Variants in BBS9 observed in about 807,000 individuals in gnomAD.
BBS9 encodes Bardet-Biedl syndrome 9.
In BBS9, 89 loss-of-function variants were observed where a neutral mutation model predicts 117.7. The observed-to-expected ratio is 0.76, with a 90% CI of 0.64 to 0.90. The LOEUF is 0.90. Ranked by LOEUF, BBS9 falls within the 40% of genes least tolerant of loss-of-function variation. The pLI is 0.00. For missense variants in BBS9, 982 were observed against 1,042.2 expected (o/e 0.94, Z 0.80); for synonymous variants, 379 against 370.9 (o/e 1.02, Z -0.25).
At chr7:33,246,063 T>C (rs1306589687) in intron 5 of BBS9, among the ~76,000 whole-genome samples, 1 of 152,160 alleles carries the variant, frequency 6.6e-6, no homozygotes, top group Non-Finnish European at 1.5e-5. Flanking sequence ...TTTTGGTATA[T>C]TTGTATGTAT....
chr7:33,333,809 A>G (rs1814676772), intron 9 of BBS9, among the ~76,000 whole-genome samples: 1 of 152,026 alleles, frequency 6.6e-6, no homozygotes, highest in Non-Finnish European at 1.5e-5. Flanking sequence ...ATGGGATTTC[A>G]CCACATTGGC....
rs36056577 is a variant in BBS9, at chr7:33,146,698, CAA to C, written c.112+353_112+354del. ...TGGGCAACAGAGCAAGGCTCCATCTCAAAAAAAAAAAAAAAAAAAAGAGATAA... is the reference window on the plus strand; with the variant it reads ...TGGGCAACAGAGCAAGGCTCCATCTCAAAAAAAAAAAAAAAAAAGAGATAA... On this transcript the variant is annotated intron_variant, in intron 2 of 22. Coordinates refer to ENST00000242067, the MANE Select transcript of BBS9 (RefSeq NM_198428.3). Among the ~76,000 whole-genome samples the C allele has an allele frequency of 8.5e-3, 687 of 81,264 alleles. 4 individuals are homozygous for C. Among genetic ancestry groups the C allele is most frequent in the African/African-American group, 0.034 (585 of 17,314 alleles). 53.3% of individuals were successfully genotyped at this position (81,264 alleles called of 152,430 possible).
At chr7:33,335,529 C>A (rs911199065) in intron 9 of BBS9, among the ~76,000 whole-genome samples, 3 of 152,054 alleles carry the variant, frequency 2.0e-5, no homozygotes, top group African/African-American at 7.3e-5. Flanking sequence ...GTTTTTATGG[C>A]AAACTTAGGG....
Position 33,569,147 on chromosome 7 carries a change from G to C in BBS9, c.2521+34971G>C, listed in dbSNP as rs80265543. Among the ~76,000 whole-genome samples, 56 of 152,226 alleles carry C rather than the reference G, an allele frequency of 3.7e-4. 2 individuals carry two copies. The East Asian group carries it at 0.01, about 28-fold the overall frequency. On this transcript the variant is annotated intron_variant, in intron 21 of 22. Transcript: ENST00000242067. ...ATATTGATAACATATTTACACTGAA[G>C]GGGGTGGGAAAGAAAAGCACTAATC... is the stretch of plus-strand genomic sequence containing the variant.
chr7:33,279,224 T>C (rs1562928689), intron 9 of BBS9, among the ~76,000 whole-genome samples: 1 of 152,068 alleles, frequency 6.6e-6, no homozygotes, highest in African/African-American at 2.4e-5. Flanking sequence ...TATAGGCATA[T>C]GCCACCATTC....
intron 21 of BBS9, among the ~76,000 whole-genome samples, chr7:33,630,315 G>A (rs1226518864): frequency 6.6e-6 from 1 of 152,076 alleles, no homozygotes; most frequent in African/African-American, 2.4e-5. Flanking sequence ...GGTGCGAAAA[G>A]CATGTAAGAG....
At chr7:33,521,641 C>CG (rs1848611743) in intron 20 of BBS9, among the ~76,000 whole-genome samples, 1 of 270 alleles carries the variant, frequency 3.7e-3, no homozygotes, top group Middle Eastern at 0.5. Flanking sequence ...TTTATAAAAA[C>CG]ATGAATATGA....
At chr7:33,581,304 G>T (rs1226756242) in intron 21 of BBS9, among the ~76,000 whole-genome samples, 1 of 152,040 alleles carries the variant, frequency 6.6e-6, no homozygotes, top group African/African-American at 2.4e-5. Flanking sequence ...CGAAATGGAA[G>T]GTCACTGTAT....
intron 19 of BBS9, among the ~76,000 whole-genome samples, chr7:33,393,746 C>T (rs927157968): frequency 1.3e-5 from 2 of 152,148 alleles, no homozygotes; most frequent in African/African-American, 4.8e-5. Flanking sequence ...AATGAGGCAA[C>T]CATCCACGAA....
intron 21 of BBS9, among the ~76,000 whole-genome samples, chr7:33,535,787 T>C (rs779185713): frequency 1.3e-5 from 2 of 151,938 alleles, no homozygotes; most frequent in Non-Finnish European, 2.9e-5. Context: ...GGCAGATACA[T>C]TAATTTTACA....
At chr7:33,207,382 A>G (rs963731137) in intron 5 of BBS9, among the ~76,000 whole-genome samples, 34 of 151,898 alleles carry the variant, frequency 2.2e-4, no homozygotes, top group African/African-American at 7.5e-4. Flanking sequence ...TCCCCTATTT[A>G]TTTGTCTGCT....
chr7:33,384,438 A>G (rs890904146), intron 18 of BBS9, among the ~76,000 whole-genome samples: 9 of 152,182 alleles, frequency 5.9e-5, no homozygotes, highest in African/African-American at 1.7e-4. Context: ...GAGTATTTCA[A>G]TGGTGACATG....
At chr7:33,453,262 G>T (rs1346632528) in intron 19 of BBS9, among the ~76,000 whole-genome samples, 1 of 152,164 alleles carries the variant, frequency 6.6e-6, no homozygotes, top group Non-Finnish European at 1.5e-5. Flanking sequence ...CTGAGTTAAA[G>T]GGAAGAAGGT....
intron 20 of BBS9, among the ~76,000 whole-genome samples, chr7:33,515,971 T>C (rs1410027683): frequency 6.6e-6 from 1 of 152,224 alleles, no homozygotes; most frequent in Non-Finnish European, 1.5e-5. Context: ...AGTCATGGTG[T>C]GGTTTTAAAA....
chr7:33,586,115 C>G (rs1448253556), intron 21 of BBS9, among the ~76,000 whole-genome samples: 1 of 151,870 alleles, frequency 6.6e-6, no homozygotes, highest in Non-Finnish European at 1.5e-5. Context: ...GGGTAATTTG[C>G]CCGGGAGCTA....
intron 19 of BBS9, among the ~76,000 whole-genome samples, chr7:33,452,028 T>C (rs1290407692): frequency 1.3e-5 from 2 of 152,016 alleles, no homozygotes; most frequent in Non-Finnish European, 2.9e-5. Flanking sequence ...GAGAGGGGGT[T>C]TTGCCATGCT....
At chr7:33,629,378 TTTTG>T (rs779519827) in intron 21 of BBS9, among the ~76,000 whole-genome samples, 18 of 152,102 alleles carry the variant, frequency 1.2e-4, no homozygotes, top group East Asian at 1.9e-4. Flanking sequence ...TTCCTTTGTT[TTTTG>T]TTTGTTTGTT....
chr7:33,528,229 G>T (rs1849969189), intron 20 of BBS9, among the ~76,000 whole-genome samples: 1 of 152,090 alleles, frequency 6.6e-6, no homozygotes, highest in Non-Finnish European at 1.5e-5. Context: ...CTTCATATAT[G>T]CAATGCAACA....
chr7:33,320,618 G>C (rs966902043), intron 9 of BBS9, among the ~76,000 whole-genome samples: 1 of 152,104 alleles, frequency 6.6e-6, no homozygotes, highest in African/African-American at 2.4e-5. Context: ...GAGTGGGATT[G>C]CTAGATCATA....
Sources: gnomAD v4.1 joint callset for allele counts (sites outside exome capture counted in the v4.1 genomes callset) on GRCh38, gnomAD v4.1.1 for gene constraint, MANE v1.5 for transcripts, NCBI Gene and HGNC (gene_info 2026-07-23, HGNC 2026-07-21) for gene names.